H1-4: variants seen among roughly 807,000 people sequenced by gnomAD.
H1-4 encodes the protein histone H1.4.
A neutral mutation model predicts 7.2 loss-of-function variants in H1-4; 9 were observed. The ratio of observed to expected loss-of-function variants is 1.25; its 90% CI spans 0.75 to 2.18. The LOEUF is 2.18. H1-4 is among the 30% of genes most tolerant of loss of function. H1-4 has a pLI of 0.00. For synonymous variants in H1-4, 318 were observed against 126.6 expected, an observed-to-expected ratio of 2.51 and a Z score of -10.15; for missense variants, 646 against 287.9, an observed-to-expected ratio of 2.24 and a Z score of -9.00.
At position 26,156,844 on chromosome 6, in the gene H1-4, A is replaced by G; in HGVS notation, c.454A>G (p.Lys152Glu). 2 of 1,607,228 alleles carry G rather than the reference A, an allele frequency of 1.2e-6. No individual in the cohort carries two copies. The highest frequency in any genetic ancestry group is 1.7e-6 in the Non-Finnish European group (2 of 1,177,246). Residue 152 changes from lysine (K) to glutamate (E), a missense_variant, in exon 1 of 1, where the codon AAG (lysine) becomes GAG (glutamate). Transcript: ENST00000304218. Reference protein sequence around the residue: ...TGAATPKKSAKKTPKKAKKPA... With the variant: ...TGAATPKKSAEKTPKKAKKPA... ...GGCGGCCACCCCCAAGAAGAGCGCC[A>G]AGAAGACCCCAAAGAAGGCGAAGAA... is the stretch of plus-strand genomic sequence containing the variant.
chr6:26,156,915 G>T lies in H1-4; in HGVS notation c.525G>T (p.Lys175Asn). 6.2e-7 allele frequency: 1 copy of T among 1,611,114 alleles called. No individual in the cohort carries two copies. The highest frequency in any genetic ancestry group is 8.5e-7 in the Non-Finnish European group (1 of 1,179,362). The change falls in exon 1 of 1, where the codon AAG becomes AAT. Residue 175 changes from lysine (K) to asparagine (N), a missense_variant. By Grantham distance (94) the Lys-to-Asn change is moderately conservative. Transcript: ENST00000304218. ...AGAKKAKSPK[K>N]AKAAKPKKAP... ...CCAAAAAAGCGAAAAGCCCGAAAAA[G>T]GCGAAAGCAGCCAAGCCAAAAAAGG...
rs199978177 is a variant in H1-4, at chr6:26,156,435, C to A, written c.45C>A (p.Ala15=). The stretch of plus-strand genomic sequence containing the variant: ...CCGCGCCCGCTGCTCCGGCCCCTGC[C>A]GAGAAGACTCCCGTGAAGAAGAAGG... ...APAAPAAPAP[A]EKTPVKKKAR... Residue 15 remains alanine (A), a synonymous_variant, in exon 1 of 1, where the codon GCC becomes GCA. Coordinates refer to ENST00000304218, the MANE Select transcript of H1-4 (RefSeq NM_005321.3). The A allele has an allele frequency of 2.5e-6, 4 of 1,607,878 alleles. No homozygotes were observed. The South Asian group carries it at 3.3e-5, about 13-fold the overall frequency.
rs561949254 is a variant in H1-4 at position 26,156,638 on chromosome 6, G to A, written c.248G>A (p.Gly83Asp). 2 of 1,614,268 alleles carry A rather than the reference G, an allele frequency of 1.2e-6. No individual in the cohort carries two copies. The highest frequency in any genetic ancestry group is 1.7e-6 in the Non-Finnish European group (2 of 1,180,046). The change falls in exon 1 of 1, where the codon GGT becomes GAT. Residue 83 changes from glycine (G) to aspartate (D), a missense_variant. Physicochemically the swap from Gly to Asp is moderately conservative, Grantham distance 94. Coordinates refer to ENST00000304218, the MANE Select transcript of H1-4 (RefSeq NM_005321.3). ...AAGAACAACAGCCGCATCAAGCTGG[G>A]TCTCAAGAGCCTGGTGAGCAAGGGC... ...VEKNNSRIKL[G>D]LKSLVSKGTL...
At position 26,156,545 on chromosome 6, in the gene H1-4, A is replaced by G. The variant is rs767992734; in HGVS notation, c.155A>G (p.Lys52Arg). The G allele has an allele frequency of 9.3e-6, 15 of 1,614,120 alleles. No individual in the cohort carries two copies. In the South Asian group the frequency reaches 1.5e-4, roughly 17 times the overall value. ...ELITKAVAAS[K>R]ERSGVSLAAL... The stretch of plus-strand genomic sequence containing the variant: ...ATTACTAAAGCTGTTGCCGCCTCCA[A>G]GGAGCGCAGCGGCGTATCTTTGGCC... Residue 52 changes from lysine (K) to arginine (R), a missense_variant, in exon 1 of 1, where the codon AAG becomes AGG. Transcript: ENST00000304218.
At position 26,156,963 on chromosome 6, in the gene H1-4, C is replaced by T. The variant is rs746274940; in HGVS notation, c.573C>T (p.Ala191=). ...AGGCGCCCAAGAGCCCAGCGAAGGC[C>T]AAAGCAGTTAAACCCAAGGCGGCTA... ...PKKAPKSPAK[A]KAVKPKAAKP... is the part of the protein sequence containing the mutation. Residue 191 remains alanine, a synonymous_variant, in exon 1 of 1, where the codon GCC becomes GCT. Transcript: ENST00000304218. The T allele has an allele frequency of 3.8e-5, 61 of 1,612,318 alleles. 2 individuals are homozygous for T. The highest frequency in any genetic ancestry group is 1.8e-4 in the Middle Eastern group (1 of 5,410).
In H1-4 at chr6:26,156,687, C is replaced by G. The variant is rs199938739; in HGVS notation, c.297C>G (p.Thr99=). The change falls in exon 1 of 1, where the codon ACC becomes ACG. Residue 99 remains threonine, a synonymous_variant. Transcript: ENST00000304218. ...GCACCCTGGTGCAGACCAAGGGCAC[C>G]GGCGCGTCGGGTTCCTTCAAACTCA... ...SKGTLVQTKG[T]GASGSFKLNK... 72 of 1,614,200 alleles carry G rather than the reference C, an allele frequency of 4.5e-5. 1 individual carries two copies. The South Asian group carries it at 6.7e-4, about 15-fold the overall frequency.
chr6:26,156,385 T>G lies in H1-4; in HGVS notation c.-6T>G. 6.4e-7 allele frequency: 1 copy of G among 1,559,806 alleles called. No homozygotes were observed. Among genetic ancestry groups the G allele is most frequent in the Non-Finnish European group, 8.7e-7 (1 of 1,155,672 alleles). ...CGAATTGCTCTCGCTCACGCTTGCC[T>G]TCAACATGTCCGAGACTGCGCCTGC... On this transcript the variant is annotated 5_prime_UTR_variant, in exon 1 of 1. Transcript: ENST00000304218.
Position 26,156,996 on chromosome 6 carries a change from G to C in H1-4, c.606G>C (p.Lys202Asn), listed in dbSNP as rs147799648. Residue 202 changes from lysine to asparagine, a missense_variant, in exon 1 of 1, where the codon AAG (lysine) becomes AAC (asparagine). Transcript: ENST00000304218. Reference protein sequence around the residue: ...KAVKPKAAKPKTAKPKAAKPK... With the variant: ...KAVKPKAAKPNTAKPKAAKPK... ...TTAAACCCAAGGCGGCTAAACCAAAGACCGCCAAGCCCAAGGCAGCCAAGC... is the reference window on the plus strand; with the variant it reads ...TTAAACCCAAGGCGGCTAAACCAAACACCGCCAAGCCCAAGGCAGCCAAGC... 7 of 1,604,222 alleles carry C rather than the reference G, an allele frequency of 4.4e-6. No homozygotes were observed. The East Asian group carries it at 1.6e-4, about 36-fold the overall frequency.
Position 26,156,792 on chromosome 6 carries a change from G to T in H1-4, c.402G>T (p.Ala134=), listed in dbSNP as rs758807851. The T allele has an allele frequency of 6.2e-7, 1 of 1,611,498 alleles. No individual in the cohort carries two copies. The highest frequency in any genetic ancestry group is 2.2e-5 in the East Asian group (1 of 44,790). ...GAAKAKKPAG[A]AKKPKKATGA... is the part of the protein sequence containing the mutation. ...CCAAGGCCAAGAAGCCAGCAGGAGC[G>T]GCGAAGAAGCCCAAGAAGGCGACGG... Residue 134 remains alanine, a synonymous_variant, in exon 1 of 1, where the codon GCG becomes GCT. Coordinates refer to ENST00000304218, the MANE Select transcript of H1-4 (RefSeq NM_005321.3).
chr6:26,156,499 G>A lies in H1-4; in HGVS notation c.109G>A (p.Gly37Arg), dbSNP rs376608867. The part of the protein sequence containing the change: ...SAGAAKRKAS[G>R]PPVSELITKA... ...AGGTGCGGCCAAGCGCAAAGCGTCT[G>A]GGCCCCCGGTGTCCGAGCTCATTAC... The change falls in exon 1 of 1, where the codon GGG becomes AGG. Residue 37 changes from glycine to arginine, a missense_variant. Coordinates refer to ENST00000304218, the MANE Select transcript of H1-4 (RefSeq NM_005321.3). The A allele has an allele frequency of 4.3e-6, 7 of 1,613,792 alleles. No individual in the cohort carries two copies. In the East Asian group the frequency reaches 8.9e-5, roughly 21 times the overall value.
chr6:26,157,038 C>G lies in H1-4; in HGVS notation c.648C>G (p.Ala216=), dbSNP rs1298492628. 1.3e-6 allele frequency: 2 copies of G among 1,580,854 alleles called. No homozygotes were observed. Among genetic ancestry groups the G allele is most frequent in the Admixed American group, 2.0e-5 (1 of 48,992 alleles). Residue 216 remains alanine, a synonymous_variant, in exon 1 of 1, where the codon GCC becomes GCG. Coordinates refer to ENST00000304218, the MANE Select transcript of H1-4 (RefSeq NM_005321.3). ...PKAAKPKKAA[A]KKK ...CAGCCAAGCCAAAGAAGGCGGCAGC[C>G]AAGAAAAAGTAGAAAGTTCCTTTGG...
Position 26,156,416 on chromosome 6 carries a change from C to T in H1-4, c.26C>T (p.Pro9Leu), listed in dbSNP as rs759410762. Residue 9 changes from proline (P) to leucine (L), a missense_variant, in exon 1 of 1, where the codon CCC (proline) becomes CTC (leucine). Physicochemically the swap from Pro to Leu is moderately conservative, Grantham distance 98 (BLOSUM62 -3). Coordinates refer to ENST00000304218, the MANE Select transcript of H1-4 (RefSeq NM_005321.3). Reference protein sequence around the residue: MSETAPAAPAAPAPAEKTP... With the variant: MSETAPAALAAPAPAEKTP... The stretch of plus-strand genomic sequence containing the variant: ...ATGTCCGAGACTGCGCCTGCCGCGC[C>T]CGCTGCTCCGGCCCCTGCCGAGAAG... 6.3e-6 allele frequency: 10 copies of T among 1,591,174 alleles called. No homozygotes were observed. Among genetic ancestry groups the T allele is most frequent in the South Asian group, 1.1e-5 (1 of 89,884 alleles).
At position 26,156,912 on chromosome 6, in the gene H1-4, A is replaced by C. The variant is rs769545254; in HGVS notation, c.522A>C (p.Lys174Asn). Residue 174 changes from lysine (K) to asparagine (N), a missense_variant, in exon 1 of 1, where the codon AAA becomes AAC. Physicochemically the swap from Lys to Asn is moderately conservative, Grantham distance 94. Transcript: ENST00000304218. ...GAGCCAAAAAAGCGAAAAGCCCGAA[A>C]AAGGCGAAAGCAGCCAAGCCAAAAA... ...AAGAKKAKSP[K>N]KAKAAKPKKA... is the part of the protein sequence containing the mutation. 11 of 1,611,158 alleles carry C rather than the reference A, an allele frequency of 6.8e-6. No homozygotes were observed. In the South Asian group the frequency reaches 1.2e-4, roughly 18 times the overall value.
In H1-4 at chr6:26,156,379, C is replaced by T. The variant is rs777296172; in HGVS notation, c.-12C>T. 1.1e-5 allele frequency: 17 copies of T among 1,547,528 alleles called. No individual in the cohort carries two copies. Among genetic ancestry groups the T allele is most frequent in the South Asian group, 8.4e-5 (7 of 83,042 alleles). On this transcript the variant is annotated 5_prime_UTR_variant, in exon 1 of 1. Transcript: ENST00000304218. ...CCGGCTCGAATTGCTCTCGCTCACG[C>T]TTGCCTTCAACATGTCCGAGACTGC...
rs374382666 is a variant in H1-4 at position 26,156,378 on chromosome 6, G to C, written c.-13G>C. On this transcript the variant is annotated 5_prime_UTR_variant, in exon 1 of 1. Coordinates refer to ENST00000304218, the MANE Select transcript of H1-4 (RefSeq NM_005321.3). ...TCCGGCTCGAATTGCTCTCGCTCAC[G>C]CTTGCCTTCAACATGTCCGAGACTG... 3 of 1,545,688 alleles carry C rather than the reference G, an allele frequency of 1.9e-6. No individual in the cohort carries two copies. The highest frequency in any genetic ancestry group is 1.9e-4 in the Middle Eastern group (1 of 5,188).
chr6:26,156,719 AGGC>A lies in H1-4; in HGVS notation c.333_335del (p.Ala112del), dbSNP rs1764186409. 2 of 1,614,054 alleles carry A rather than the reference AGGC, an allele frequency of 1.2e-6. No individual in the cohort carries two copies. The highest frequency in any genetic ancestry group is 1.3e-5 in the African/African-American group (1 of 74,936). On this transcript the variant is annotated inframe_deletion, in exon 1 of 1. Transcript: ENST00000304218. ...TCGGGTTCCTTCAAACTCAACAAGA[AGGC>A]GGCCTCTGGGGAAGCCAAGCCTAAG...
rs1335961665 is a variant in H1-4 at position 26,156,877 on chromosome 6, G to A, written c.487G>A (p.Ala163Thr). The change falls in exon 1 of 1, where the codon GCA (alanine) becomes ACA (threonine). Residue 163 changes from alanine to threonine, a missense_variant. Physicochemically the swap from Ala to Thr is moderately conservative, Grantham distance 58. Coordinates refer to ENST00000304218, the MANE Select transcript of H1-4 (RefSeq NM_005321.3). ...KTPKKAKKPA[A>T]AAGAKKAKSP... ...CCCAAAGAAGGCGAAGAAGCCGGCTGCAGCTGCTGGAGCCAAAAAAGCGAA... is the reference window on the plus strand; with the variant it reads ...CCCAAAGAAGGCGAAGAAGCCGGCTACAGCTGCTGGAGCCAAAAAAGCGAA... 1 of 1,608,276 alleles carries A rather than the reference G, an allele frequency of 6.2e-7. No individual in the cohort carries two copies. The highest frequency in any genetic ancestry group is 8.5e-7 in the Non-Finnish European group (1 of 1,178,116).
In H1-4 at chr6:26,156,755, A is replaced by G. The variant is rs775543664; in HGVS notation, c.365A>G (p.Lys122Arg). 8 of 1,613,848 alleles carry G rather than the reference A, an allele frequency of 5.0e-6. No individual in the cohort carries two copies. The highest frequency in any genetic ancestry group is 6.8e-6 in the Non-Finnish European group (8 of 1,179,904). Reference sequence around the variant, plus strand: ...GGGGAAGCCAAGCCTAAGGCTAAAAAGGCAGGCGCGGCCAAGGCCAAGAAG... The same window carrying G: ...GGGGAAGCCAAGCCTAAGGCTAAAAGGGCAGGCGCGGCCAAGGCCAAGAAG... ...ASGEAKPKAK[K>R]AGAAKAKKPA... The change falls in exon 1 of 1, where the codon AAG becomes AGG. Residue 122 changes from lysine to arginine, a missense_variant. By Grantham distance (26) the Lys-to-Arg change is conservative. Transcript: ENST00000304218.
Position 26,156,714 on chromosome 6 carries a change from C to A in H1-4, c.324C>A (p.Asn108Lys), listed in dbSNP as rs138100908. 1 of 1,614,232 alleles carries A rather than the reference C, an allele frequency of 6.2e-7. No homozygotes were observed. Residue 108 changes from asparagine to lysine, a missense_variant, in exon 1 of 1, where the codon AAC becomes AAA. By Grantham distance (94) the Asn-to-Lys change is moderately conservative. Transcript: ENST00000304218. ...GTGASGSFKLNKKAASGEAKP... is the reference protein window; with the variant it reads ...GTGASGSFKLKKKAASGEAKP... ...GCGCGTCGGGTTCCTTCAAACTCAA[C>A]AAGAAGGCGGCCTCTGGGGAAGCCA...
Sources: gnomAD v4.1 joint callset for allele counts on GRCh38, gnomAD v4.1.1 for gene constraint, MANE v1.5 for transcripts, NCBI Gene and HGNC (gene_info 2026-07-23, HGNC 2026-07-21) for gene names.